Variants in LINGO1 observed in about 807,000 individuals in gnomAD.
LINGO1 encodes leucine-rich repeat and immunoglobulin-like domain-containing nogo receptor-interacting protein 1.
Under a neutral mutation model 37.3 loss-of-function variants are expected in LINGO1, and 11 were observed. The observed-to-expected ratio is 0.29, with a 90% CI of 0.19 to 0.49. The LOEUF is 0.49. Among genes scored for constraint, LINGO1 ranks in the 20% least tolerant of loss-of-function variants. The pLI, the probability that LINGO1 is intolerant of heterozygous loss-of-function variation, is 0.99. For synonymous variants in LINGO1, 387 were observed against 403.0 expected, an observed-to-expected ratio of 0.96 and a Z score of 0.48; for missense variants, 585 against 878.2, an observed-to-expected ratio of 0.67 and a Z score of 4.22.
intron 1 of LINGO1, among the ~76,000 whole-genome samples, chr15:77,756,064 A>C (rs2076415657): frequency 6.6e-6 from 1 of 152,118 alleles, no homozygotes; most frequent in South Asian, 2.1e-4. Context: ...TGTTGAGGCC[A>C]GGCTAAGGCA....
intron 1 of LINGO1, among the ~76,000 whole-genome samples, chr15:77,745,550 A>G (rs1334241077): frequency 2.6e-5 from 4 of 152,158 alleles, no homozygotes; most frequent in African/African-American, 4.8e-5. Context: ...GTGAGCTTCT[A>G]TTCATTTGCT....
intron 1 of LINGO1, among the ~76,000 whole-genome samples, chr15:77,692,089 C>A (rs1376670439): frequency 6.6e-6 from 1 of 152,256 alleles, no homozygotes; most frequent in Non-Finnish European, 1.5e-5. Flanking sequence ...CCCTTTGTGC[C>A]ATGATGGCAG....
intron 1 of LINGO1, among the ~76,000 whole-genome samples, chr15:77,756,481 G>GACACAC (rs1250857343): frequency 1.6e-5 from 2 of 128,158 alleles, no homozygotes; most frequent in African/African-American, 6.1e-5. Flanking sequence ...ATGACAGACA[G>GACACAC]ACAGACACAC....
At chr15:77,642,581 C>T (rs1389508289) in intron 3 of LINGO1, among the ~76,000 whole-genome samples, 1 of 152,168 alleles carries the variant, frequency 6.6e-6, no homozygotes, top group Non-Finnish European at 1.5e-5. Flanking sequence ...ACACGAAGGC[C>T]AGGAGGGCAG....
chr15:77,742,888 T>C (rs2141351394), intron 1 of LINGO1, among the ~76,000 whole-genome samples: 2 of 152,348 alleles, frequency 1.3e-5, no homozygotes, highest in Middle Eastern at 3.4e-3. Flanking sequence ...GGACCAGCCC[T>C]GGCAGTTCCA....
intron 1 of LINGO1, among the ~76,000 whole-genome samples, chr15:77,738,110 AAAC>A (rs777419904): frequency 3.3e-5 from 5 of 152,148 alleles, no homozygotes; most frequent in Non-Finnish European, 7.3e-5. Flanking sequence ...AGCCATCAGC[AAAC>A]CCTATCAGGT....
At chr15:77,680,389 TTG>T (rs1309901719) in intron 2 of LINGO1, among the ~76,000 whole-genome samples, 1 of 152,186 alleles carries the variant, frequency 6.6e-6, no homozygotes, top group Non-Finnish European at 1.5e-5. Context: ...CACTGCCCCT[TTG>T]GGGGCAGGTC....
At chr15:77,815,958 C>T (rs1218827453) in intron 1 of LINGO1, among the ~76,000 whole-genome samples, 1 of 152,216 alleles carries the variant, frequency 6.6e-6, no homozygotes, top group Non-Finnish European at 1.5e-5. Flanking sequence ...GCGCTTCCCA[C>T]CTCCATGCCT....
intron 3 of LINGO1, chr15:77,659,956 G>A (rs927062441): frequency 2.0e-5 from 3 of 152,236 alleles, no homozygotes; most frequent in African/African-American, 7.2e-5. Context: ...GGCGGGGCCT[G>A]GAATCGTACC....
At chr15:77,713,636 C>T (rs192703307) in intron 2 of LINGO1, among the ~76,000 whole-genome samples, 64 of 152,188 alleles carry the variant, frequency 4.2e-4, no homozygotes, top group Non-Finnish European at 6.5e-4. Context: ...CACGCGCACA[C>T]ACACACGAGT....
intron 3 of LINGO1, chr15:77,646,552 T>C: frequency 2.5e-6 from 1 of 402,466 alleles, no homozygotes; most frequent in Non-Finnish European, 5.0e-6. Context: ...GGCAGGAACC[T>C]GGGGTTTCCC....
chr15:77,646,393 C>T (rs780385774), intron 3 of LINGO1: 1 of 453,696 alleles, frequency 2.2e-6, no homozygotes, highest in South Asian at 1.6e-5. Flanking sequence ...CACAGGACAC[C>T]CCTCTGTCAT....
chr15:77,714,721 CT>C (rs972329732), intron 2 of LINGO1, among the ~76,000 whole-genome samples: 3 of 152,228 alleles, frequency 2.0e-5, no homozygotes, highest in Non-Finnish European at 4.4e-5. Context: ...GCTCTCCTCC[CT>C]CTCAGCAGCA....
At chr15:77,775,010 G>A (rs915943969) in intron 1 of LINGO1, among the ~76,000 whole-genome samples, 4 of 152,192 alleles carry the variant, frequency 2.6e-5, no homozygotes, top group African/African-American at 9.7e-5. Flanking sequence ...CACGTCTCAC[G>A]TCGCCTGGGG....
In LINGO1 at chr15:77,775,436, C is replaced by T. The variant is rs529168627; in HGVS notation, c.-257+11433G>A. Among the ~76,000 whole-genome samples, 20 of 152,290 alleles carry T rather than the reference C, an allele frequency of 1.3e-4. No individual in the cohort carries two copies. In the East Asian group the frequency reaches 3.5e-3, roughly 26 times the overall value. On this transcript the variant is annotated intron_variant, in intron 1 of 3. Coordinates refer to the LINGO1 transcript ENST00000561686. ...TCCCGGTCTCTCCTGCCTGCCACCT[C>T]CTGTTACTGTCCCTGTGGGCTTAGG...
intron 1 of LINGO1, among the ~76,000 whole-genome samples, chr15:77,773,456 AGGTG>A (rs2076605630): frequency 6.6e-6 from 1 of 152,128 alleles, no homozygotes. Flanking sequence ...CAGTGAAGTT[AGGTG>A]ACAGCTAGTA....
chr15:77,673,557 T>C (rs1054445837), intron 3 of LINGO1, among the ~76,000 whole-genome samples: 50 of 152,214 alleles, frequency 3.3e-4, no homozygotes, highest in African/African-American at 1.2e-3. Flanking sequence ...TGGTTCCTTT[T>C]CATCTCACTG....
chr15:77,787,952 G>A (rs960583788), upstream of LINGO1: 4 of 152,178 alleles, frequency 2.6e-5, no homozygotes, highest in African/African-American at 4.8e-5. Flanking sequence ...CCAACCTCCC[G>A]AGACGTGGAG....
chr15:77,808,819 C>T (rs1166734948), intron 1 of LINGO1, among the ~76,000 whole-genome samples: 2 of 152,186 alleles, frequency 1.3e-5, no homozygotes, highest in Admixed American at 6.5e-5. Flanking sequence ...AAGCATCTGG[C>T]ACTGTGCCCA....
Sources: allele counts gnomAD v4.1 joint callset (sites outside exome capture counted in the v4.1 genomes callset), GRCh38; gene constraint gnomAD v4.1.1; transcripts MANE v1.5; gene names NCBI Gene and HGNC (gene_info 2026-07-23, HGNC 2026-07-21).